Variants in DNAJC16 observed in about 807,000 individuals in gnomAD.
DNAJC16 encodes dnaJ homolog subfamily C member 16.
A neutral mutation model predicts 92.7 loss-of-function variants in DNAJC16; 76 were observed. The observed-to-expected ratio is 0.82, with a 90% CI of 0.68 to 0.99. DNAJC16 has a LOEUF of 0.99. Among genes scored for constraint, DNAJC16 ranks in the 50% least tolerant of loss-of-function variants. The pLI, the probability that DNAJC16 is intolerant of heterozygous loss-of-function variation, is 0.00. For synonymous variants in DNAJC16, 328 were observed against 358.7 expected (o/e 0.91, Z 0.97); for missense variants, 869 against 942.4 (o/e 0.92, Z 1.02).
At position 15,568,139 on chromosome 1, in the gene DNAJC16, C is replaced by G. The variant is rs201771992; in HGVS notation, c.2311C>G (p.Gln771Glu). Residue 771 changes from glutamine to glutamate, a missense_variant, in exon 15 of 15, where the codon CAG becomes GAG. By Grantham distance (29) the Gln-to-Glu change is conservative. Coordinates refer to ENST00000375847, the MANE Select transcript of DNAJC16 (RefSeq NM_015291.4). ...GGAACGCCTGCTGGAGGGCTCCTTA[C>G]AGAGGTTTTATATCCCATCATGGCC... ...WMERLLEGSLQRFYIPSWPEL... is the reference protein window; with the variant it reads ...WMERLLEGSLERFYIPSWPEL... 50 of 1,613,858 alleles carry G rather than the reference C, an allele frequency of 3.1e-5. No homozygotes were observed. Among genetic ancestry groups the G allele is most frequent in the Non-Finnish European group, 4.1e-5 (48 of 1,179,922 alleles).
In DNAJC16 at chr1:15,536,790, G is replaced by A; in HGVS notation, c.550G>A (p.Val184Ile). Residue 184 changes from valine to isoleucine, a missense_variant, in exon 4 of 15, where the codon GTC (valine) becomes ATC (isoleucine). Val to Ile is a conservative substitution (Grantham distance 29). Coordinates refer to ENST00000375847, the MANE Select transcript of DNAJC16 (RefSeq NM_015291.4). The stretch of plus-strand genomic sequence containing the variant: ...TCATATCGAGCCTGTGTGGAAAGAA[G>A]TCATTCAAGAACTGGAAGAATTGGG... ...CIHIEPVWKE[V>I]IQELEELGVG... 6.2e-7 allele frequency: 1 copy of A among 1,605,698 alleles called. No homozygotes were observed. Among genetic ancestry groups the A allele is most frequent in the Admixed American group, 1.7e-5 (1 of 58,102 alleles).
intron 4 of DNAJC16, among the ~76,000 whole-genome samples, chr1:15,538,516 G>A (rs776493346): frequency 7.9e-5 from 12 of 152,102 alleles, no homozygotes; most frequent in Non-Finnish European, 1.3e-4. Flanking sequence ...TCAGTAGTTC[G>A]AGACCAGCCT....
chr1:15,530,924 G>A (rs1710643931), intron 2 of DNAJC16, among the ~76,000 whole-genome samples: 1 of 152,178 alleles, frequency 6.6e-6, no homozygotes, highest in Non-Finnish European at 1.5e-5. Context: ...CTGACCTCAA[G>A]TGATCCGTCC....
chr1:15,529,729 CAA>C (rs972367640), intron 2 of DNAJC16, among the ~76,000 whole-genome samples: 1 of 146,474 alleles, frequency 6.8e-6, no homozygotes. Context: ...CTTTTGCCTC[CAA>C]AAAAAAAAAT....
chr1:15,536,082 T>C (rs1484883284), intron 3 of DNAJC16, among the ~76,000 whole-genome samples: 1 of 144,950 alleles, frequency 6.9e-6, no homozygotes, highest in African/African-American at 2.6e-5. Context: ...CTTTTTTTTT[T>C]TTTTTTTTGA....
intron 7 of DNAJC16, among the ~76,000 whole-genome samples, chr1:15,553,549 A>G (rs1638497112): frequency 6.6e-6 from 1 of 152,154 alleles, no homozygotes; most frequent in Non-Finnish European, 1.5e-5. Flanking sequence ...TATTATTTTT[A>G]TGATACTCAC....
At chr1:15,547,146 CTT>C (rs768397290) in intron 6 of DNAJC16, among the ~76,000 whole-genome samples, 21 of 136,498 alleles carry the variant, frequency 1.5e-4, no homozygotes, top group African/African-American at 1.9e-4. Context: ...ATCCCTGTTT[CTT>C]TTTTTTTTTT....
intron 3 of DNAJC16, among the ~76,000 whole-genome samples, chr1:15,536,077 T>C (rs1322827180): frequency 2.4e-4 from 35 of 145,030 alleles, no homozygotes; most frequent in Admixed American, 4.8e-4. Flanking sequence ...CTTTTCTTTT[T>C]TTTTTTTTTT....
At chr1:15,558,259 C>T (rs1329366662) in intron 7 of DNAJC16, among the ~76,000 whole-genome samples, 1 of 147,494 alleles carries the variant, frequency 6.8e-6, no homozygotes, top group Non-Finnish European at 1.5e-5. Flanking sequence ...TAGCTCACTG[C>T]AGTCTCTTAA....
rs1332837846 is a variant in DNAJC16, at chr1:15,566,061, ACTC to A, written c.1680-18_1680-16del. 1 of 1,601,114 alleles carries A rather than the reference ACTC, an allele frequency of 6.2e-7. No individual in the cohort carries two copies. The highest frequency in any genetic ancestry group is 8.5e-7 in the Non-Finnish European group (1 of 1,175,482). On this transcript the variant is annotated intron_variant, in intron 12 of 14. Coordinates refer to ENST00000375847, the MANE Select transcript of DNAJC16 (RefSeq NM_015291.4). ...TTGGTGTTGACACTTTTTTTGTAAA[ACTC>A]CTTTTTTCTTACTTTAGCGACTCTA...
At chr1:15,529,376 AATAT>A (rs199829624) in intron 2 of DNAJC16, 104 bp downstream of exon 2, 3 of 1,174,902 alleles carry the variant, frequency 2.6e-6, no homozygotes, top group South Asian at 3.4e-5. Flanking sequence ...TTCTATGTTC[AATAT>A]ATATATCTGT....
At chr1:15,534,367 A>C in intron 3 of DNAJC16, 64 bp downstream of exon 3, 1 of 1,527,970 alleles carries the variant, frequency 6.5e-7, no homozygotes, top group Non-Finnish European at 9.0e-7. Context: ...GGAGGTGATG[A>C]GTTTTGTAAA....
At position 15,548,419 on chromosome 1, in the gene DNAJC16, T is replaced by C; in HGVS notation, c.1014T>C (p.Asp338=). The C allele has an allele frequency of 6.2e-7, 1 of 1,611,956 alleles. No individual in the cohort carries two copies. Residue 338 remains aspartate, a synonymous_variant, in exon 7 of 15, where the codon GAT becomes GAC. Coordinates refer to ENST00000375847, the MANE Select transcript of DNAJC16 (RefSeq NM_015291.4). Reference sequence around the variant, plus strand: ...AAGAACATATAAACAGGCCTGCCGATGTTATCCAGGTACGTGAGGGTCACC... The same window carrying C: ...AAGAACATATAAACAGGCCTGCCGACGTTATCCAGGTACGTGAGGGTCACC... ...VFKEHINRPA[D]VIQARGMKKQ...
At chr1:15,538,299 G>A (rs1710841730) in intron 4 of DNAJC16, among the ~76,000 whole-genome samples, 2 of 152,090 alleles carry the variant, frequency 1.3e-5, no homozygotes, top group South Asian at 2.1e-4. Context: ...GGAGGCTGAG[G>A]CAGGAGAATC....
At chr1:15,538,354 C>T (rs1269132351) in intron 4 of DNAJC16, among the ~76,000 whole-genome samples, 2 of 151,574 alleles carry the variant, frequency 1.3e-5, no homozygotes, top group African/African-American at 4.9e-5. Context: ...AAGATCGTGC[C>T]ACTGCACTCC....
chr1:15,554,051 A>G (rs929084766), intron 7 of DNAJC16, among the ~76,000 whole-genome samples: 14 of 152,100 alleles, frequency 9.2e-5, no homozygotes, highest in African/African-American at 3.1e-4. Flanking sequence ...AAAAAATACA[A>G]AATTAGCTGG....
At chr1:15,530,718 C>T (rs1451928327) in intron 2 of DNAJC16, among the ~76,000 whole-genome samples, 3 of 152,084 alleles carry the variant, frequency 2.0e-5, no homozygotes, top group Admixed American at 6.6e-5. Context: ...GACGGAGTCT[C>T]GCTCTGTCAC....
Position 15,555,915 on chromosome 1 carries a change from C to T in DNAJC16, c.1024-3611C>T, listed in dbSNP as rs564396741. On this transcript the variant is annotated intron_variant, in intron 7 of 14. Transcript: ENST00000375847. ...CTGAGGCAGGAGAATCACTTGAACC[C>T]AGGAGGCGGAGGTTGTGATGAGCCA... Among the ~76,000 whole-genome samples the T allele has an allele frequency of 1.1e-4, 17 of 149,542 alleles. No individual in the cohort carries two copies. In the East Asian group the frequency reaches 2.6e-3, roughly 23 times the overall value.
intron 4 of DNAJC16, among the ~76,000 whole-genome samples, chr1:15,540,627 G>A (rs1377421394): frequency 6.6e-6 from 1 of 152,090 alleles, no homozygotes; most frequent in Non-Finnish European, 1.5e-5. Context: ...AACTCCAGGA[G>A]ATACGAAAGA....
Sources: allele counts gnomAD v4.1 joint callset (sites outside exome capture counted in the v4.1 genomes callset), GRCh38; gene constraint gnomAD v4.1.1; transcripts MANE v1.5; gene names NCBI Gene and HGNC (gene_info 2026-07-23, HGNC 2026-07-21).